Variants in DNAH8 observed in about 807,000 individuals in gnomAD.
DNAH8 encodes dynein axonemal heavy chain 8.
DNAH8 carries 382 observed loss-of-function variants against 562.1 expected under a neutral mutation model. The ratio of observed to expected loss-of-function variants is 0.68; its 90% CI spans 0.63 to 0.74. DNAH8 has a LOEUF of 0.74. Ranked by LOEUF, DNAH8 falls within the 30% of genes least tolerant of loss-of-function variation. The pLI is 0.00. For synonymous variants in DNAH8, 1,881 were observed against 1,919.4 expected, an observed-to-expected ratio of 0.98 and a Z score of 0.52; for missense variants, 5,203 against 5,620.4, an observed-to-expected ratio of 0.93 and a Z score of 2.37.
intron 91 of DNAH8, among the ~76,000 whole-genome samples, chr6:39,019,646 A>G (rs1215129335): frequency 6.6e-6 from 1 of 152,172 alleles, no homozygotes; most frequent in African/African-American, 2.4e-5. Context: ...AGAGATGAAA[A>G]GGATGGATCT....
At chr6:38,995,549 C>T (rs1765080148) in intron 88 of DNAH8, among the ~76,000 whole-genome samples, 1 of 152,208 alleles carries the variant, frequency 6.6e-6, no homozygotes, top group African/African-American at 2.4e-5. Context: ...TTTCGTATTT[C>T]TCTGTCACCA....
chr6:39,001,164 G>A (rs115560714), intron 88 of DNAH8, among the ~76,000 whole-genome samples: 1 of 151,984 alleles, frequency 6.6e-6, no homozygotes, highest in African/African-American at 2.4e-5. Context: ...AGAGTTTGGG[G>A]CAATATTTTA....
At chr6:38,818,823 G>A (rs538060257) in intron 26 of DNAH8, among the ~76,000 whole-genome samples, 1 of 152,314 alleles carries the variant, frequency 6.6e-6, no homozygotes, top group African/African-American at 2.4e-5. Context: ...ATGTGCTGAT[G>A]AAGTTGTTGC....
At chr6:38,773,621 A>G (rs1306691798) in intron 12 of DNAH8, among the ~76,000 whole-genome samples, 1 of 152,206 alleles carries the variant, frequency 6.6e-6, no homozygotes, top group Admixed American at 6.5e-5. Flanking sequence ...CTCTGTGCTA[A>G]GAACGACAGA....
At chr6:38,833,481 C>G (rs1774020286) in intron 31 of DNAH8, among the ~76,000 whole-genome samples, 1 of 152,078 alleles carries the variant, frequency 6.6e-6, no homozygotes, top group Non-Finnish European at 1.5e-5. Flanking sequence ...CAGACACAGC[C>G]AGTCAGGCTT....
At chr6:38,804,170 CGA>C (rs2150299012) in intron 22 of DNAH8, among the ~76,000 whole-genome samples, 1 of 152,128 alleles carries the variant, frequency 6.6e-6, no homozygotes, top group South Asian at 2.1e-4. Context: ...TTAATAAGCC[CGA>C]GAGAGAAGCT....
chr6:38,987,250 A>G (rs1477171116), intron 87 of DNAH8, among the ~76,000 whole-genome samples: 2 of 152,138 alleles, frequency 1.3e-5, no homozygotes, highest in African/African-American at 4.8e-5. Flanking sequence ...AGCCTGCTCC[A>G]CCTTCAAGAG....
chr6:38,812,458 C>A (rs943114741), intron 24 of DNAH8, among the ~76,000 whole-genome samples: 3 of 152,160 alleles, frequency 2.0e-5, no homozygotes, highest in African/African-American at 7.2e-5. Context: ...TCTAAAATGT[C>A]TTTCTCTTAT....
At chr6:38,941,650 G>A (rs1783468715) in intron 79 of DNAH8, among the ~76,000 whole-genome samples, 1 of 152,164 alleles carries the variant, frequency 6.6e-6, no homozygotes, top group South Asian at 2.1e-4. Flanking sequence ...CTTAAGTAAA[G>A]TAAGTGAATT....
chr6:38,868,315 G>C, intron 48 of DNAH8, 119 bp downstream of exon 48: 3 of 1,000,700 alleles, frequency 3.0e-6, no homozygotes, highest in Non-Finnish European at 4.3e-6. Context: ...GGGATAATAA[G>C]TGTGCAAAGC....
intron 88 of DNAH8, among the ~76,000 whole-genome samples, chr6:39,002,755 T>C (rs1765570277): frequency 6.6e-6 from 1 of 152,186 alleles, no homozygotes; most frequent in Non-Finnish European, 1.5e-5. Flanking sequence ...ACTTCATTGA[T>C]CCTTACTGGG....
At chr6:38,856,240 T>C (rs1399740732) in intron 41 of DNAH8, among the ~76,000 whole-genome samples, 1 of 152,250 alleles carries the variant, frequency 6.6e-6, no homozygotes, top group Non-Finnish European at 1.5e-5. Context: ...GTGCTTATTA[T>C]AGGCATCGAG....
At chr6:38,800,182 GTAAAGAAT>G (rs1770650929) in intron 21 of DNAH8, among the ~76,000 whole-genome samples, 1 of 151,554 alleles carries the variant, frequency 6.6e-6, no homozygotes, top group South Asian at 2.1e-4. Context: ...TTTGGCTACT[GTAAAGAAT>G]GCTGCTGCGA....
chr6:39,005,133 C>T lies in DNAH8; in HGVS notation c.13215-3681C>T, dbSNP rs571066655. Among the ~76,000 whole-genome samples the T allele has an allele frequency of 4.6e-5, 7 of 152,190 alleles. No homozygotes were observed. In the East Asian group the frequency reaches 7.7e-4, roughly 17 times the overall value. ...GCTTTCCAAAGTGACTGCATCAGGCCGGGAGCAGCAGCTCATGCCTGTAAT... is the reference window on the plus strand; with the variant it reads ...GCTTTCCAAAGTGACTGCATCAGGCTGGGAGCAGCAGCTCATGCCTGTAAT... On this transcript the variant is annotated intron_variant, in intron 88 of 92. Transcript: ENST00000327475.
chr6:38,886,577 C>T (rs184515909), intron 56 of DNAH8, among the ~76,000 whole-genome samples: 1 of 152,268 alleles, frequency 6.6e-6, no homozygotes, highest in Admixed American at 6.5e-5. Context: ...TGGTGAAAGG[C>T]ACCTTGGACT....
intron 7 of DNAH8, among the ~76,000 whole-genome samples, chr6:38,741,308 C>T (rs761647026): frequency 6.6e-6 from 1 of 152,088 alleles, no homozygotes; most frequent in Non-Finnish European, 1.5e-5. Flanking sequence ...TAGGATGAGG[C>T]GGGAGGATTG....
At chr6:38,824,076 CTCAAACAGTTTG>C (rs1773108567) in intron 28 of DNAH8, among the ~76,000 whole-genome samples, 1 of 152,090 alleles carries the variant, frequency 6.6e-6, no homozygotes, top group African/African-American at 2.4e-5. Flanking sequence ...TGAGATGGGA[CTCAAACAGTTTG>C]AAGTCTGCCA....
chr6:38,854,898 CA>C (rs1382800579), intron 41 of DNAH8, among the ~76,000 whole-genome samples: 3 of 148,326 alleles, frequency 2.0e-5, no homozygotes, highest in Non-Finnish European at 4.5e-5. Flanking sequence ...TACATATATA[CA>C]TAAATACAAA....
intron 53 of DNAH8, among the ~76,000 whole-genome samples, chr6:38,876,553 G>A (rs1401333663): frequency 2.6e-5 from 4 of 152,156 alleles, no homozygotes; most frequent in African/African-American, 9.7e-5. Context: ...AGTAAGGTAA[G>A]CGGCAGTCGA....
Sources: gnomAD v4.1 joint callset for allele counts (sites outside exome capture counted in the v4.1 genomes callset) on GRCh38, gnomAD v4.1.1 for gene constraint, MANE v1.5 for transcripts, NCBI Gene and HGNC (gene_info 2026-07-23, HGNC 2026-07-21) for gene names.